The following MTNAP1 variants were observed in gnomAD, a reference collection of about 807,000 sequenced individuals.
MTNAP1 encodes the protein mitochondrial nucleoid-associated protein 1.
At chr17:73,235,664 A>G in the MTNAP1 span, 1 of 1,614,202 alleles carries the variant, frequency 6.2e-7, no homozygotes, top group Non-Finnish European at 8.5e-7. Context: ...CCAATCAAAG[A>G]TTTAATTAAA....
chr17:73,240,210 A>C, the MTNAP1 span, among the ~76,000 whole-genome samples: 1 of 152,236 alleles, frequency 6.6e-6, no homozygotes, highest in East Asian at 1.9e-4. Flanking sequence ...TAGTGGTGAG[A>C]AACTATTTTA....
the MTNAP1 span, chr17:73,236,699 G>C: frequency 3.7e-6 from 6 of 1,614,204 alleles, no homozygotes; most frequent in Admixed American, 1.7e-5. Flanking sequence ...TTAATGGAGA[G>C]TCCCGAGGGA....
the MTNAP1 span, chr17:73,248,471 C>T: frequency 3.9e-6 from 6 of 1,550,920 alleles, no homozygotes; most frequent in African/African-American, 2.7e-5. Flanking sequence ...CATTGGAGTG[C>T]CCCGCTAGGT....
At chr17:73,248,233 A>C in the MTNAP1 span, 1 of 456,806 alleles carries the variant, frequency 2.2e-6, no homozygotes, top group Non-Finnish European at 3.9e-6. Context: ...CTTCATCCAG[A>C]AAGACAAGAC....
At chr17:73,237,008 A>G in the MTNAP1 span, 1 of 1,529,064 alleles carries the variant, frequency 6.5e-7, no homozygotes. Flanking sequence ...AAACAAGCTT[A>G]TTTTCAATTG....
the MTNAP1 span, among the ~76,000 whole-genome samples, chr17:73,243,401 A>C: frequency 6.6e-6 from 1 of 151,860 alleles, no homozygotes; most frequent in African/African-American, 2.4e-5. Flanking sequence ...TGATCCGCCC[A>C]CCTCAGCCTC....
At chr17:73,239,683 T>C in the MTNAP1 span, among the ~76,000 whole-genome samples, 1 of 150,362 alleles carries the variant, frequency 6.7e-6, no homozygotes, top group African/African-American at 2.5e-5. Flanking sequence ...CACGCCCAGC[T>C]AATTTTTTTT....
At chr17:73,236,986 C>T in the MTNAP1 span, 6 of 1,564,688 alleles carry the variant, frequency 3.8e-6, no homozygotes, top group Non-Finnish European at 5.2e-6. Context: ...GGGGGAAAGA[C>T]TCTCACAAGG....
the MTNAP1 span, chr17:73,242,455 G>C: frequency 1.4e-6 from 1 of 705,002 alleles, no homozygotes; most frequent in Non-Finnish European, 2.3e-6. Flanking sequence ...GGAAAAAAAT[G>C]TTAAAATGTG....
At chr17:73,232,462 G>A in the MTNAP1 span, 22 of 746,604 alleles carry the variant, frequency 2.9e-5, no homozygotes, top group Non-Finnish European at 4.3e-5. Context: ...GGTGGCAGAA[G>A]CGCTCGCCTG....
chr17:73,242,095 C>G, the MTNAP1 span: 1 of 485,896 alleles, frequency 2.1e-6, no homozygotes. Flanking sequence ...ACTTTCAACA[C>G]TTAGCTGCAG....
chr17:73,234,464 G>C, the MTNAP1 span, among the ~76,000 whole-genome samples: 7 of 151,982 alleles, frequency 4.6e-5, no homozygotes, highest in African/African-American at 7.2e-5. Flanking sequence ...GGCCGAAGGC[G>C]GGCAGATCAC....
At chr17:73,241,950 G>C in the MTNAP1 span, among the ~76,000 whole-genome samples, 1 of 152,124 alleles carries the variant, frequency 6.6e-6, no homozygotes, top group Non-Finnish European at 1.5e-5. Context: ...TGATGTAAGA[G>C]ACTCACTTCA....
the MTNAP1 span, chr17:73,247,264 T>C: frequency 3.1e-6 from 5 of 1,614,230 alleles, no homozygotes; most frequent in South Asian, 1.1e-5. Context: ...ACCCCTGCCC[T>C]GGAAGAGCAC....
chr17:73,244,715 A>G, the MTNAP1 span: 1 of 153,198 alleles, frequency 6.5e-6, no homozygotes, highest in Non-Finnish European at 1.5e-5. Context: ...AGAAAAAAAA[A>G]AATCACAATT....
chr17:73,246,303 G>A, the MTNAP1 span, among the ~76,000 whole-genome samples: 1 of 152,160 alleles, frequency 6.6e-6, no homozygotes, highest in East Asian at 1.9e-4. Flanking sequence ...GTAGGCCAAG[G>A]CGGGCGGATC....
chr17:73,235,527 G>C, the MTNAP1 span: 7 of 1,613,956 alleles, frequency 4.3e-6, no homozygotes, highest in Non-Finnish European at 5.1e-6. Flanking sequence ...CTTACTGTAA[G>C]AAGCCATTTA....
the MTNAP1 span, chr17:73,248,227 A>C: frequency 4.5e-6 from 2 of 447,288 alleles, no homozygotes; most frequent in Non-Finnish European, 8.1e-6. Flanking sequence ...TAAAAGCTTC[A>C]TCCAGAAAGA....
At chr17:73,241,968 C>T in the MTNAP1 span, among the ~76,000 whole-genome samples, 1 of 152,168 alleles carries the variant, frequency 6.6e-6, no homozygotes, top group Non-Finnish European at 1.5e-5. Flanking sequence ...TCATGAAGCA[C>T]ATGCGCATCA....
Sources: allele counts gnomAD v4.1 joint callset (sites outside exome capture counted in the v4.1 genomes callset), GRCh38; gene constraint gnomAD v4.1.1; transcripts MANE v1.5; gene names NCBI Gene and HGNC (gene_info 2026-07-23, HGNC 2026-07-21).